The following BLMH variants were observed in gnomAD, a reference collection of about 807,000 sequenced individuals.
BLMH encodes bleomycin hydrolase, also known as BLM hydrolase.
A neutral mutation model predicts 61.6 loss-of-function variants in BLMH; 32 were observed. That is an observed-to-expected ratio of 0.52 (90% CI 0.39 to 0.70). BLMH has a LOEUF of 0.70. Ranked by LOEUF, BLMH falls within the 30% of genes least tolerant of loss-of-function variation. The pLI, the probability that BLMH is intolerant of heterozygous loss-of-function variation, is 0.00. For missense variants in BLMH, 460 were observed against 555.5 expected (o/e 0.83, Z 1.73); for synonymous variants, 183 against 193.8 (o/e 0.94, Z 0.46).
intron 10 of BLMH, among the ~76,000 whole-genome samples, chr17:30,271,048 G>A (rs1475013272): frequency 4.6e-5 from 7 of 152,122 alleles, no homozygotes; most frequent in African/African-American, 9.7e-5. Flanking sequence ...TTACTTGGTC[G>A]CTCCCTGCTG....
At chr17:30,257,767 C>G (rs148337572) in intron 11 of BLMH, among the ~76,000 whole-genome samples, 1 of 152,148 alleles carries the variant, frequency 6.6e-6, no homozygotes, top group South Asian at 2.1e-4. Context: ...AAGCCAACAT[C>G]GAACCCAGGT....
chr17:30,263,707 AG>A (rs1366385868), intron 11 of BLMH, among the ~76,000 whole-genome samples: 1 of 152,262 alleles, frequency 6.6e-6, no homozygotes, highest in Non-Finnish European at 1.5e-5. Context: ...GTTTCTGGGC[AG>A]GAGAGCCATG....
At position 30,285,420 on chromosome 17, in the gene BLMH, T is replaced by C; in HGVS notation, c.613A>G (p.Ile205Val). Reference sequence around the variant, plus strand: ...ATCATGACGTCCTGTGTGGCCGAGATTTCTCCTTTGGTTGCTCCACTGTGT... The same window carrying C: ...ATCATGACGTCCTGTGTGGCCGAGACTTCTCCTTTGGTTGCTCCACTGTGT... ...LVHSGATKGE[I>V]SATQDVMMEE... is the part of the protein sequence containing the mutation. Residue 205 changes from isoleucine (I) to valine (V), a missense_variant, in exon 6 of 12, where the codon ATC becomes GTC. Coordinates refer to ENST00000261714, the MANE Select transcript of BLMH (RefSeq NM_000386.4). 6.2e-7 allele frequency: 1 copy of C among 1,612,524 alleles called. No homozygotes were observed. The highest frequency in any genetic ancestry group is 8.5e-7 in the Non-Finnish European group (1 of 1,179,226).
chr17:30,252,789 C>T (rs990194563), intron 11 of BLMH, among the ~76,000 whole-genome samples: 7 of 152,152 alleles, frequency 4.6e-5, no homozygotes, highest in Non-Finnish European at 7.4e-5. Flanking sequence ...AGACGAGAGA[C>T]GGAAGGACAG....
intron 10 of BLMH, among the ~76,000 whole-genome samples, chr17:30,269,385 C>T (rs554453269): frequency 9.9e-5 from 15 of 151,818 alleles, no homozygotes; most frequent in South Asian, 6.3e-4. Flanking sequence ...CTCGCCATGT[C>T]GGTCAGGCTA....
At position 30,272,846 on chromosome 17, in the gene BLMH, T is replaced by C. The variant is rs114313465; in HGVS notation, c.855A>G (p.Thr285=). The change falls in exon 8 of 12, where the codon ACA becomes ACG. Residue 285 remains threonine, a synonymous_variant. Transcript: ENST00000261714. ...CAACCATATTGCTTAAGTATTCCAC[T>C]GTGTAAAGTTTGTTGTACTTGTGCT... ...RPQHKYNKLY[T]VEYLSNMVGG... is the part of the protein sequence containing the mutation. The C allele has an allele frequency of 9.5e-5, 153 of 1,614,186 alleles. No homozygotes were observed. The East Asian group carries it at 2.9e-3, about 30-fold the overall frequency.
At position 30,272,919 on chromosome 17, in the gene BLMH, A is replaced by C. The variant is rs984264638; in HGVS notation, c.802-20T>G. 1.9e-6 allele frequency: 3 copies of C among 1,610,900 alleles called. No individual in the cohort carries two copies. The African/African-American group carries it at 4.0e-5, about 22-fold the overall frequency. On this transcript the variant is annotated intron_variant, in intron 7 of 11. Transcript: ENST00000261714. The stretch of plus-strand genomic sequence containing the variant: ...ACAAATCTATCAAGATCAAGAACAC[A>C]TTAATTAGGGCACAAAACCAGGAAT...
chr17:30,268,518 C>T lies in BLMH; in HGVS notation c.1147-1564G>A, dbSNP rs564316254. 1.3e-4 allele frequency among the ~76,000 whole-genome samples: 20 copies of T among 152,116 alleles called. No homozygotes were observed. In the East Asian group the frequency reaches 3.7e-3, roughly 28 times the overall value. On this transcript the variant is annotated intron_variant, in intron 10 of 11. Transcript: ENST00000261714. ...AATTCCAGGTATAATAATATAAATT[C>T]TGCTTTATACCATTAGCATGTAAGG...
intron 3 of BLMH, among the ~76,000 whole-genome samples, chr17:30,288,420 C>A (rs974290928): frequency 1.3e-5 from 2 of 152,122 alleles, no homozygotes; most frequent in African/African-American, 4.8e-5. Context: ...TGCAGTGGTG[C>A]AATCTCACTG....
intron 6 of BLMH, among the ~76,000 whole-genome samples, chr17:30,282,192 G>A (rs368275272): frequency 3.8e-4 from 58 of 150,964 alleles, no homozygotes; most frequent in African/African-American, 1.4e-3. Context: ...ACCATGCCTG[G>A]CTATGTTTTG....
chr17:30,273,863 A>G, intron 7 of BLMH, 179 bp downstream of exon 7: 1 of 725,526 alleles, frequency 1.4e-6, no homozygotes, highest in Admixed American at 3.1e-5. Context: ...AAAGCTGATA[A>G]ATCCTGGCAC....
At chr17:30,258,699 G>A (rs2143020204) in intron 11 of BLMH, among the ~76,000 whole-genome samples, 1 of 152,290 alleles carries the variant, frequency 6.6e-6, no homozygotes, top group East Asian at 1.9e-4. Flanking sequence ...GGCACACACA[G>A]CTCTCCAGGA....
chr17:30,291,254 A>G lies in BLMH; in HGVS notation c.211+57T>C, dbSNP rs760407337. On this transcript the variant is annotated intron_variant, in intron 2 of 11. Transcript: ENST00000261714. Reference sequence around the variant, plus strand: ...TAAGACCACTCTTAAATAAGACACCAAAATGGGACGCTGTCAGGAAGGTCA... The same window carrying G: ...TAAGACCACTCTTAAATAAGACACCGAAATGGGACGCTGTCAGGAAGGTCA... 1.1e-5 allele frequency: 17 copies of G among 1,575,162 alleles called. No individual in the cohort carries two copies. The African/African-American group carries it at 2.0e-4, about 19-fold the overall frequency.
At chr17:30,275,779 T>G (rs1047644650) in intron 6 of BLMH, among the ~76,000 whole-genome samples, 6 of 152,076 alleles carry the variant, frequency 3.9e-5, no homozygotes, top group African/African-American at 1.4e-4. Context: ...ATATCAAATG[T>G]CCTTGTCTTT....
Position 30,291,926 on chromosome 17 carries a change from C to G in BLMH, c.-107G>C. On this transcript the variant is annotated 5_prime_UTR_variant, in exon 1 of 12. Coordinates refer to ENST00000261714, the MANE Select transcript of BLMH (RefSeq NM_000386.4). ...TAGGGGGCCCGACCTGTCTCTCGCA[C>G]CCGGAGCGCCGGAAAAAGGAAACCG... The G allele has an allele frequency of 2.5e-6, 3 of 1,204,724 alleles. No individual in the cohort carries two copies. Among genetic ancestry groups the G allele is most frequent in the Non-Finnish European group, 3.2e-6 (3 of 947,244 alleles). The allele number at this position is 1,204,724 out of a possible 1,614,324, so 74.6% of individuals were successfully genotyped here.
In BLMH at chr17:30,291,894, C is replaced by A; in HGVS notation, c.-75G>T. 1.6e-6 allele frequency: 2 copies of A among 1,270,524 alleles called. No homozygotes were observed. Among genetic ancestry groups the A allele is most frequent in the Middle Eastern group, 2.1e-4 (1 of 4,850 alleles). 78.7% of individuals were successfully genotyped at this position (1,270,524 alleles called of 1,614,324 possible). On this transcript the variant is annotated 5_prime_UTR_variant, in exon 1 of 12. Coordinates refer to ENST00000261714, the MANE Select transcript of BLMH (RefSeq NM_000386.4). Reference sequence around the variant, plus strand: ...CGAGCGCCGGGATTGCGCTGCGGCTCGCTGCCTAGGGGGCCCGACCTGTCT... The same window carrying A: ...CGAGCGCCGGGATTGCGCTGCGGCTAGCTGCCTAGGGGGCCCGACCTGTCT...
chr17:30,249,495 G>A, intron 11 of BLMH: 1 of 241,340 alleles, frequency 4.1e-6, no homozygotes. Flanking sequence ...CTGCCTTGGT[G>A]ATGGTGAGTG....
intron 11 of BLMH, among the ~76,000 whole-genome samples, chr17:30,260,107 C>T (rs1907916452): frequency 6.6e-6 from 1 of 152,128 alleles, no homozygotes; most frequent in Non-Finnish European, 1.5e-5. Context: ...AACAACCCTA[C>T]GAGATAGGTC....
At chr17:30,287,038 GGTTTTTTGTTTTTT>G in intron 4 of BLMH, 136 bp from the exon 5 acceptor site, 1 of 638,330 alleles carries the variant, frequency 1.6e-6, no homozygotes, top group Non-Finnish European at 2.7e-6. Context: ...TATGAAGCAG[GGTTTTTTGTTTTTT>G]GTTTTTTGTT....
Sources: gnomAD v4.1 joint callset for allele counts (sites outside exome capture counted in the v4.1 genomes callset) on GRCh38, gnomAD v4.1.1 for gene constraint, MANE v1.5 for transcripts, NCBI Gene and HGNC (gene_info 2026-07-23, HGNC 2026-07-21) for gene names.